The following TDRD3 variants were observed in gnomAD, a reference collection of about 807,000 sequenced individuals.
TDRD3 encodes tudor domain containing 3, also known as tudor domain-containing protein 3.
In TDRD3, 45 loss-of-function variants were observed where a neutral mutation model predicts 86.7. The observed-to-expected ratio is 0.52, with a 90% confidence interval of 0.41 to 0.67. The LOEUF is 0.67. Among genes scored for constraint, TDRD3 ranks in the 30% least tolerant of loss-of-function variants. The pLI is 0.00. For missense variants in TDRD3, 814 were observed against 889.0 expected, an observed-to-expected ratio of 0.92 and a Z score of 1.07; for synonymous variants, 298 against 301.7, an observed-to-expected ratio of 0.99 and a Z score of 0.13.
intron 1 of TDRD3, among the ~76,000 whole-genome samples, chr13:60,428,637 G>A (rs568687698): frequency 6.6e-6 from 1 of 152,360 alleles, no homozygotes; most frequent in South Asian, 2.1e-4. Context: ...AAGGTGAAAA[G>A]TGATTTTTAG....
At position 60,528,547 on chromosome 13, in the gene TDRD3, A is replaced by G. The variant is rs1263706472; in HGVS notation, c.1322A>G (p.Glu441Gly). ...RDSQNSKSVL[E>G]GSGLPRNRGS... ...TCCCAAAATTCAAAGTCAGTTTTAG[A>G]AGGCAGTGGATTACCTAGAAATAGA... The change falls in exon 11 of 14, where the codon GAA becomes GGA. Residue 441 changes from glutamate (E) to glycine (G), a missense_variant. Physicochemically the swap from Glu to Gly is moderately conservative, Grantham distance 98 (BLOSUM62 -2). Transcript: ENST00000377881. 6.2e-7 allele frequency: 1 copy of G among 1,613,974 alleles called. No individual in the cohort carries two copies. The highest frequency in any genetic ancestry group is 1.7e-5 in the Admixed American group (1 of 59,998).
At chr13:60,524,431 C>T (rs61968685) in intron 10 of TDRD3, among the ~76,000 whole-genome samples, 21,976 of 151,150 alleles carry the variant, frequency 0.15, 2,073 homozygotes, top group South Asian at 0.28. Flanking sequence ...CACTTGAACC[C>T]GGGAGGCGGA....
chr13:60,406,064 G>A (rs1954226617), intron 1 of TDRD3, among the ~76,000 whole-genome samples: 1 of 152,136 alleles, frequency 6.6e-6, no homozygotes, highest in South Asian at 2.1e-4. Flanking sequence ...TTTGGGGGTT[G>A]GGTCATGAGT....
At chr13:60,436,463 G>A (rs1043172652) in intron 1 of TDRD3, among the ~76,000 whole-genome samples, 24 of 151,980 alleles carry the variant, frequency 1.6e-4, no homozygotes, top group African/African-American at 5.6e-4. Context: ...GGTGAGAGAC[G>A]GGGATCCATT....
rs1285782519 is a variant in TDRD3, at chr13:60,439,678, A to C, written c.42-10A>C. ...TAGATAATATTAAGCCATTTATTTT[A>C]TTTTAACAGGTATCTTTCAGATGAA... On this transcript the variant is annotated splice_polypyrimidine_tract_variant and intron_variant, in intron 1 of 13. Coordinates refer to ENST00000377881, the MANE Select transcript of TDRD3 (RefSeq NM_001146070.2). 2.0e-6 allele frequency: 3 copies of C among 1,527,274 alleles called. No individual in the cohort carries two copies. The East Asian group carries it at 7.4e-5, about 38-fold the overall frequency. The allele number at this position is 1,527,274 out of a possible 1,614,324, so 94.6% of individuals were successfully genotyped here. A position where few individuals can be genotyped will look rare whatever the true frequency, so the allele number is the denominator to read the frequency against.
intron 11 of TDRD3, among the ~76,000 whole-genome samples, chr13:60,534,680 C>T (rs909818908): frequency 4.6e-5 from 7 of 151,834 alleles, no homozygotes; most frequent in African/African-American, 1.7e-4. Context: ...TATCCCAGTA[C>T]TGTGGGAGGC....
At chr13:60,555,263 A>G (rs1011306854) in intron 12 of TDRD3, among the ~76,000 whole-genome samples, 3 of 152,226 alleles carry the variant, frequency 2.0e-5, no homozygotes, top group African/African-American at 4.8e-5. Context: ...ACAAGATGAT[A>G]TATTCTCTAC....
intron 10 of TDRD3, among the ~76,000 whole-genome samples, chr13:60,520,346 A>C (rs1297435733): frequency 2.0e-5 from 3 of 152,196 alleles, no homozygotes; most frequent in African/African-American, 7.2e-5. Flanking sequence ...AATATACAAT[A>C]ATTTTTCCTT....
intron 5 of TDRD3, among the ~76,000 whole-genome samples, chr13:60,481,739 AT>A (rs1956322728): frequency 6.6e-6 from 1 of 151,884 alleles, no homozygotes. Context: ...TCTTGACTAA[AT>A]TTTCAGATGG....
At chr13:60,539,391 A>G (rs754477719) in intron 12 of TDRD3, among the ~76,000 whole-genome samples, 15 of 152,088 alleles carry the variant, frequency 9.9e-5, no homozygotes, top group Non-Finnish European at 2.2e-4. Context: ...ATATGAGTAG[A>G]GAAAATCTTA....
At chr13:60,409,121 A>C (rs897407207) in intron 1 of TDRD3, among the ~76,000 whole-genome samples, 1 of 152,228 alleles carries the variant, frequency 6.6e-6, no homozygotes, top group Admixed American at 6.5e-5. Context: ...GGCAGCTTCC[A>C]TGTGGTGTTG....
chr13:60,396,285 C>T (rs1953901543), upstream of TDRD3, among the ~76,000 whole-genome samples: 1 of 152,228 alleles, frequency 6.6e-6, no homozygotes, highest in Non-Finnish European at 1.5e-5. Context: ...TACGGGACGC[C>T]GCAGAGGTGA....
chr13:60,527,472 A>G (rs1255466724), intron 10 of TDRD3, among the ~76,000 whole-genome samples: 2 of 152,202 alleles, frequency 1.3e-5, no homozygotes, highest in African/African-American at 4.8e-5. Flanking sequence ...CATGTTGATT[A>G]TGATGTATGA....
At chr13:60,483,704 G>T in intron 5 of TDRD3, 71 bp from the exon 6 acceptor site, 3 of 1,407,280 alleles carry the variant, frequency 2.1e-6, no homozygotes, top group South Asian at 1.4e-5. Context: ...GTAGATTCCT[G>T]TTACATTATA....
intron 12 of TDRD3, among the ~76,000 whole-genome samples, chr13:60,567,116 TA>T (rs1412803853): frequency 6.6e-6 from 1 of 152,212 alleles, no homozygotes; most frequent in Non-Finnish European, 1.5e-5. Context: ...TTTTCCATGA[TA>T]AATACCTAGA....
intron 12 of TDRD3, among the ~76,000 whole-genome samples, chr13:60,563,065 C>T (rs1958372412): frequency 6.6e-6 from 1 of 151,728 alleles, no homozygotes; most frequent in South Asian, 2.1e-4. Context: ...CCCATCTCTA[C>T]AAAACTACAA....
intron 3 of TDRD3, 39 bp from the exon 4 acceptor site, chr13:60,460,341 T>G (rs904469290): frequency 1.3e-6 from 2 of 1,528,800 alleles, no homozygotes; most frequent in African/African-American, 2.8e-5. Flanking sequence ...TAGAGTTTCA[T>G]GACTAGAAAG....
intron 1 of TDRD3, among the ~76,000 whole-genome samples, chr13:60,418,533 G>A (rs925195077): frequency 6.6e-6 from 1 of 152,090 alleles, no homozygotes; most frequent in African/African-American, 2.4e-5. Flanking sequence ...CCACAGAGTA[G>A]ATAGAGACTC....
chr13:60,517,777 A>G (rs940962317), intron 10 of TDRD3, among the ~76,000 whole-genome samples: 9 of 152,224 alleles, frequency 5.9e-5, no homozygotes, highest in Admixed American at 1.3e-4. Flanking sequence ...GTTACCTTTA[A>G]TAGTTAATAG....
Sources: gnomAD v4.1 joint callset for allele counts (sites outside exome capture counted in the v4.1 genomes callset) on GRCh38, gnomAD v4.1.1 for gene constraint, MANE v1.5 for transcripts, NCBI Gene and HGNC (gene_info 2026-07-23, HGNC 2026-07-21) for gene names.